UBE2E1: variants seen among roughly 807,000 people sequenced by gnomAD.
UBE2E1 encodes the protein ubiquitin-conjugating enzyme E2 E1.
UBE2E1 carries 6 observed loss-of-function variants against 21.4 expected under a neutral mutation model. That is an observed-to-expected ratio of 0.28 (90% CI 0.15 to 0.55). The LOEUF is 0.55. Among genes scored for constraint, UBE2E1 ranks in the 20% least tolerant of loss-of-function variants. UBE2E1 has a pLI of 0.93. For synonymous variants in UBE2E1, 87 were observed against 82.7 expected (o/e 1.05, Z -0.28); for missense variants, 142 against 236.5 (o/e 0.60, Z 2.62).
At position 23,853,642 on chromosome 3, in the gene UBE2E1, G is replaced by T. The variant is rs896320892; in HGVS notation, c.204-33925G>T. On this transcript the variant is annotated intron_variant, in intron 3 of 5. Transcript: ENST00000306627. The surrounding 1 kb of genome is among the most constrained non-coding windows in gnomAD (Gnocchi z 4.1). ...TAAATGCATATAGGAGAGTTGGAGG[G>T]GAGAGGAGACACTTGTCCCTCTTAA... 2.0e-5 allele frequency among the ~76,000 whole-genome samples: 3 copies of T among 152,114 alleles called. No homozygotes were observed. The highest frequency in any genetic ancestry group is 7.2e-5 in the African/African-American group (3 of 41,414).
chr3:23,837,792 G>C lies in UBE2E1; in HGVS notation c.203+26282G>C, dbSNP rs765078615. Among the ~76,000 whole-genome samples, 18 of 152,276 alleles carry C rather than the reference G, an allele frequency of 1.2e-4. 1 individual carries two copies. The highest frequency in any genetic ancestry group is 2.6e-4 in the Admixed American group (4 of 15,292). ...GCGTTTTTACCACCTTCAATCTTTT[G>C]AGGAACTTTTGGCATGTGGAAAATT... On this transcript the variant is annotated intron_variant, in intron 3 of 5. Coordinates refer to ENST00000306627, the MANE Select transcript of UBE2E1 (RefSeq NM_003341.5).
At chr3:23,866,938 T>C (rs1375700040) in intron 3 of UBE2E1, among the ~76,000 whole-genome samples, 2 of 152,212 alleles carry the variant, frequency 1.3e-5, no homozygotes, top group Non-Finnish European at 2.9e-5. Flanking sequence ...GGTAACTTTA[T>C]TTTAAGCTTC....
At chr3:23,878,532 G>A (rs577678483) in intron 3 of UBE2E1, among the ~76,000 whole-genome samples, 2 of 152,214 alleles carry the variant, frequency 1.3e-5, no homozygotes, top group South Asian at 2.1e-4. Context: ...TGGGCAGGCC[G>A]GCCAGCTGAG....
At position 23,858,925 on chromosome 3, in the gene UBE2E1, G is replaced by A. The variant is rs561623678; in HGVS notation, c.204-28642G>A. Among the ~76,000 whole-genome samples the A allele has an allele frequency of 1.4e-3, 209 of 152,182 alleles. No homozygotes were observed. The Middle Eastern group carries it at 0.024, about 17-fold the overall frequency. The stretch of plus-strand genomic sequence containing the variant: ...TTCTAAGCCACCCTCACTTGAGCTC[G>A]TCTTTAACAATTTACCTCATATCAA... On this transcript the variant is annotated intron_variant, in intron 3 of 5. Coordinates refer to ENST00000306627, the MANE Select transcript of UBE2E1 (RefSeq NM_003341.5).
intron 3 of UBE2E1, among the ~76,000 whole-genome samples, chr3:23,835,015 G>GA (rs926915207): frequency 3.6e-4 from 54 of 150,980 alleles, no homozygotes; most frequent in African/African-American, 9.7e-4. Context: ...TAAGAGCATA[G>GA]AAAAAAAAAT....
intron 3 of UBE2E1, among the ~76,000 whole-genome samples, chr3:23,881,359 A>C (rs1437779351): frequency 6.6e-6 from 1 of 152,204 alleles, no homozygotes; most frequent in Non-Finnish European, 1.5e-5. Context: ...ATATTTTGAA[A>C]AGTGCTTTTA....
At chr3:23,827,359 T>TA (rs1699779960) in intron 3 of UBE2E1, among the ~76,000 whole-genome samples, 1 of 152,250 alleles carries the variant, frequency 6.6e-6, no homozygotes, top group Non-Finnish European at 1.5e-5. Flanking sequence ...GACAGCTTTT[T>TA]AGATTTACTA....
chr3:23,826,736 T>C (rs1575811490), intron 3 of UBE2E1, among the ~76,000 whole-genome samples: 1 of 152,350 alleles, frequency 6.6e-6, no homozygotes, highest in East Asian at 1.9e-4. Context: ...TTTTTTGTTA[T>C]GATAGCTGAA....
At chr3:23,886,700 G>A (rs141838312) in intron 3 of UBE2E1, among the ~76,000 whole-genome samples, 210 of 152,332 alleles carry the variant, frequency 1.4e-3, no homozygotes, top group African/African-American at 4.8e-3. Context: ...CCAGTTAGCA[G>A]AGGGCATCTT....
chr3:23,811,330 G>A, intron 2 of UBE2E1, 130 bp from the exon 3 acceptor site: 4 of 815,532 alleles, frequency 4.9e-6, no homozygotes, highest in East Asian at 2.5e-5. Context: ...TTCTTGATGT[G>A]TAGTTCCTCT....
intron 2 of UBE2E1, among the ~76,000 whole-genome samples, chr3:23,809,988 A>C (rs1427904744): frequency 6.6e-6 from 1 of 152,226 alleles, no homozygotes; most frequent in East Asian, 1.9e-4. Flanking sequence ...ACGTAGGGAC[A>C]GGAAATGTCC....
chr3:23,821,856 C>A (rs1699653230), intron 3 of UBE2E1, among the ~76,000 whole-genome samples: 1 of 152,006 alleles, frequency 6.6e-6, no homozygotes, highest in South Asian at 2.1e-4. Context: ...CATGAGGCAT[C>A]CAAATGAAGG....
chr3:23,865,028 T>G (rs1231441009), intron 3 of UBE2E1, among the ~76,000 whole-genome samples: 1 of 152,242 alleles, frequency 6.6e-6, no homozygotes, highest in Non-Finnish European at 1.5e-5. Flanking sequence ...TGTAACAAAT[T>G]ACTGCAAATT....
At chr3:23,888,034 C>T (rs1701229370) in intron 4 of UBE2E1, among the ~76,000 whole-genome samples, 1 of 152,106 alleles carries the variant, frequency 6.6e-6, no homozygotes, top group South Asian at 2.1e-4. Context: ...AAGCCAGGTG[C>T]AGTGGTGTGC....
chr3:23,810,700 G>C lies in UBE2E1; in HGVS notation c.153-760G>C, dbSNP rs1241091508. On this transcript the variant is annotated intron_variant, in intron 2 of 5. Coordinates refer to ENST00000306627, the MANE Select transcript of UBE2E1 (RefSeq NM_003341.5). This position sits in a 1 kb window ranked among gnomAD's most constrained non-coding sequence, Gnocchi z 5.8. ...CTCGGGCCAAGGTTCTGGGCGCCGGGAGAGGAGAGCTGGGGCGGCGCGGAG... is the reference window on the plus strand; with the variant it reads ...CTCGGGCCAAGGTTCTGGGCGCCGGCAGAGGAGAGCTGGGGCGGCGCGGAG... 1 of 572,702 alleles carries C rather than the reference G, an allele frequency of 1.7e-6. No individual in the cohort carries two copies. Among genetic ancestry groups the C allele is most frequent in the Non-Finnish European group, 2.9e-6 (1 of 347,508 alleles). 35.5% of individuals were successfully genotyped at this position (572,702 alleles called of 1,614,324 possible).
At chr3:23,850,685 T>C (rs1489371180) in intron 3 of UBE2E1, among the ~76,000 whole-genome samples, 1 of 147,968 alleles carries the variant, frequency 6.8e-6, no homozygotes, top group Non-Finnish European at 1.5e-5. Context: ...CTGATTGTTT[T>C]TTTTTTTTTT....
chr3:23,890,265 A>G (rs1409598979), intron 5 of UBE2E1, among the ~76,000 whole-genome samples: 2 of 152,132 alleles, frequency 1.3e-5, no homozygotes, highest in Non-Finnish European at 2.9e-5. Context: ...TTGTTGGGAG[A>G]AAAATGGAAT....
At chr3:23,881,389 C>A (rs1289091183) in intron 3 of UBE2E1, among the ~76,000 whole-genome samples, 3 of 152,174 alleles carry the variant, frequency 2.0e-5, no homozygotes, top group African/African-American at 7.2e-5. Context: ...AAACCTTAAA[C>A]CTCTGTGTAG....
chr3:23,889,207 C>A lies in UBE2E1; in HGVS notation c.432C>A (p.Thr144=), dbSNP rs1559497056. The change falls in exon 5 of 6, where the codon ACC becomes ACA. Residue 144 remains threonine, a synonymous_variant. Coordinates refer to ENST00000306627, the MANE Select transcript of UBE2E1 (RefSeq NM_003341.5). ...ILKDNWSPAL[T]ISKVLLSICS... ...AAGATAATTGGAGTCCAGCACTAACCATTTCTAAAGTCCTCCTTTCTATCT... is the reference window on the plus strand; with the variant it reads ...AAGATAATTGGAGTCCAGCACTAACAATTTCTAAAGTCCTCCTTTCTATCT... 2 of 1,613,582 alleles carry A rather than the reference C, an allele frequency of 1.2e-6. No individual in the cohort carries two copies. Among genetic ancestry groups the A allele is most frequent in the Admixed American group, 1.7e-5 (1 of 59,994 alleles).
Sources: allele counts gnomAD v4.1 joint callset (sites outside exome capture counted in the v4.1 genomes callset), GRCh38; gene constraint gnomAD v4.1.1; non-coding constraint Gnocchi (gnomAD v3.1); transcripts MANE v1.5; gene names NCBI Gene and HGNC (gene_info 2026-07-23, HGNC 2026-07-21).